The following L3MBTL4 variants were observed in gnomAD, a reference collection of about 807,000 sequenced individuals.
L3MBTL4 encodes lethal(3)malignant brain tumor-like protein 4.
In L3MBTL4, 70 loss-of-function variants were observed where a neutral mutation model predicts 84.5. The observed-to-expected ratio is 0.83, with a 90% confidence interval of 0.68 to 1.01. The LOEUF is 1.01. L3MBTL4 is among the 50% of genes least tolerant of loss of function. The pLI is 0.00. For missense variants in L3MBTL4, 715 were observed against 754.8 expected (o/e 0.95, Z 0.62); for synonymous variants, 274 against 259.8 (o/e 1.05, Z -0.52).
intron 14 of L3MBTL4, among the ~76,000 whole-genome samples, chr18:6,097,457 C>T (rs1441260679): frequency 6.6e-6 from 1 of 152,120 alleles, no homozygotes; most frequent in Non-Finnish European, 1.5e-5. Context: ...ACACTGAGCC[C>T]CTGAGGCTGG....
chr18:6,268,046 A>T (rs1330846411), intron 4 of L3MBTL4, among the ~76,000 whole-genome samples: 3 of 152,204 alleles, frequency 2.0e-5, no homozygotes, highest in African/African-American at 7.2e-5. Context: ...TCTAAAAAGG[A>T]GGGGAAACTG....
At chr18:6,218,402 G>A (rs1479953037) in intron 10 of L3MBTL4, among the ~76,000 whole-genome samples, 2 of 152,064 alleles carry the variant, frequency 1.3e-5, no homozygotes, top group African/African-American at 4.8e-5. Flanking sequence ...TTCCATGCTG[G>A]GCTTCTTCAC....
intron 16 of L3MBTL4, among the ~76,000 whole-genome samples, chr18:6,047,394 T>C (rs182278452): frequency 4.6e-5 from 7 of 152,192 alleles, no homozygotes; most frequent in Admixed American, 4.6e-4. Flanking sequence ...CCTCCCTAAC[T>C]GATTCTACAT....
At chr18:6,390,368 CA>C (rs980915589) in intron 1 of L3MBTL4, among the ~76,000 whole-genome samples, 3 of 152,006 alleles carry the variant, frequency 2.0e-5, no homozygotes, top group Admixed American at 6.6e-5. Context: ...AATTGCCAAT[CA>C]AAAAGTCTGA....
chr18:6,317,997 C>A (rs1272035185), intron 1 of L3MBTL4, among the ~76,000 whole-genome samples: 1 of 152,068 alleles, frequency 6.6e-6, no homozygotes, highest in African/African-American at 2.4e-5. Flanking sequence ...CTGTATCCAG[C>A]AAAACTAAAT....
At chr18:6,306,477 CTA>C (rs2050591349) in intron 3 of L3MBTL4, among the ~76,000 whole-genome samples, 6 of 152,154 alleles carry the variant, frequency 3.9e-5, no homozygotes, top group African/African-American at 1.4e-4. Context: ...CATCAGTCTT[CTA>C]TGAGGCAACA....
intron 1 of L3MBTL4, among the ~76,000 whole-genome samples, chr18:6,344,154 T>C (rs2052755670): frequency 6.6e-6 from 1 of 151,882 alleles, no homozygotes; most frequent in Non-Finnish European, 1.5e-5. Flanking sequence ...TTAGCCATAC[T>C]AACAATGAAA....
chr18:6,386,269 C>T (rs55988256), intron 1 of L3MBTL4, among the ~76,000 whole-genome samples: 2,533 of 152,270 alleles, frequency 0.017, 36 homozygotes, highest in Middle Eastern at 0.1. Context: ...GAGCAAAAGG[C>T]ATGACAGGGA....
At chr18:6,295,309 A>ACTCT (rs58507219) in intron 4 of L3MBTL4, among the ~76,000 whole-genome samples, 4,119 of 62,234 alleles carry the variant, frequency 0.066, 193 homozygotes, top group East Asian at 0.12. Flanking sequence ...AACAACAACA[A>ACTCT]CTCTCTCTCT....
chr18:6,182,250 G>C (rs1376671053), intron 12 of L3MBTL4, among the ~76,000 whole-genome samples: 1 of 152,182 alleles, frequency 6.6e-6, no homozygotes, highest in Non-Finnish European at 1.5e-5. Context: ...CTAATAATTA[G>C]TGATGTTGAG....
intron 12 of L3MBTL4, among the ~76,000 whole-genome samples, chr18:6,188,567 G>A (rs1301512257): frequency 6.6e-6 from 1 of 152,226 alleles, no homozygotes; most frequent in Non-Finnish European, 1.5e-5. Flanking sequence ...AGTGAGCAGA[G>A]AGATCAGCCA....
chr18:6,311,440 C>A (rs1046672256), intron 3 of L3MBTL4, 114 bp downstream of exon 3: 3 of 782,156 alleles, frequency 3.8e-6, no homozygotes, highest in African/African-American at 3.4e-5. Flanking sequence ...GAAGCCACAT[C>A]GTTTCAAGTG....
chr18:6,148,918 G>A (rs931082651), intron 13 of L3MBTL4, among the ~76,000 whole-genome samples: 2 of 151,830 alleles, frequency 1.3e-5, no homozygotes, highest in Non-Finnish European at 2.9e-5. Flanking sequence ...AGATAGCCCT[G>A]TTCCATTTTT....
intron 1 of L3MBTL4, among the ~76,000 whole-genome samples, chr18:6,357,124 T>C (rs1333328747): frequency 1.3e-5 from 2 of 152,210 alleles, no homozygotes; most frequent in Non-Finnish European, 2.9e-5. Flanking sequence ...ATCCAAAGCG[T>C]TGATATCTTA....
At chr18:6,368,743 A>G (rs192048417) in intron 1 of L3MBTL4, among the ~76,000 whole-genome samples, 3 of 152,262 alleles carry the variant, frequency 2.0e-5, no homozygotes, top group Non-Finnish European at 2.9e-5. Flanking sequence ...TAATATTAAT[A>G]AAAGTCAACG....
intron 10 of L3MBTL4, among the ~76,000 whole-genome samples, chr18:6,230,539 GC>G (rs1432982146): frequency 6.6e-6 from 1 of 152,090 alleles, no homozygotes; most frequent in Non-Finnish European, 1.5e-5. Flanking sequence ...GCTGAGATGA[GC>G]ATACACATGC....
chr18:6,159,823 T>TA (rs1254152978), intron 13 of L3MBTL4, among the ~76,000 whole-genome samples: 4 of 152,216 alleles, frequency 2.6e-5, no homozygotes, highest in African/African-American at 4.8e-5. Flanking sequence ...TGCATTTAAT[T>TA]AAAAAATGAA....
chr18:5,959,789 C>G (rs1266584852), intron 18 of L3MBTL4, among the ~76,000 whole-genome samples: 4 of 151,992 alleles, frequency 2.6e-5, no homozygotes, highest in Non-Finnish European at 5.9e-5. Flanking sequence ...AGTATACGTA[C>G]TGAGCATGCT....
At chr18:6,194,386 CACA>C (rs1425731518) in intron 12 of L3MBTL4, among the ~76,000 whole-genome samples, 1 of 152,194 alleles carries the variant, frequency 6.6e-6, no homozygotes, top group African/African-American at 2.4e-5. Context: ...TTGGAATGAA[CACA>C]ACATGTAGGC....
Sources: gnomAD v4.1 joint callset for allele counts (sites outside exome capture counted in the v4.1 genomes callset) on GRCh38, gnomAD v4.1.1 for gene constraint, MANE v1.5 for transcripts, NCBI Gene and HGNC (gene_info 2026-07-23, HGNC 2026-07-21) for gene names.